The following GRM5 variants were observed in gnomAD, a reference collection of about 807,000 sequenced individuals.
GRM5 encodes the protein metabotropic glutamate receptor 5.
In GRM5, 19 loss-of-function variants were observed where a neutral mutation model predicts 83.1. The ratio of observed to expected loss-of-function variants is 0.23; its 90% CI spans 0.16 to 0.34. The LOEUF is 0.34. Ranked by LOEUF, GRM5 falls within the 10% of genes least tolerant of loss-of-function variation. The probability of loss-of-function intolerance (pLI) is 1.00; values close to 1 mark genes in which losing one functional copy is unlikely to be tolerated. For synonymous variants in GRM5, 675 were observed against 633.6 expected (o/e 1.07, Z -0.98); for missense variants, 1,160 against 1,588.3 (o/e 0.73, Z 4.58).
chr11:88,777,342 C>A (rs139695920), intron 3 of GRM5, among the ~76,000 whole-genome samples: 4,657 of 152,176 alleles, frequency 0.031, 232 homozygotes, highest in African/African-American at 0.11. Context: ...TTCATCTTAT[C>A]TTTTTTCAAG....
At chr11:88,523,245 G>T (rs1941753240) in intron 9 of GRM5, among the ~76,000 whole-genome samples, 1 of 152,100 alleles carries the variant, frequency 6.6e-6, no homozygotes. Flanking sequence ...CTTGTTACAT[G>T]ACAGATTCCT....
At chr11:88,515,013 T>C (rs761701744) in intron 9 of GRM5, among the ~76,000 whole-genome samples, 2 of 152,086 alleles carry the variant, frequency 1.3e-5, no homozygotes, top group Non-Finnish European at 2.9e-5. Flanking sequence ...CCTAATAAAT[T>C]CCTGGTGGGA....
intron 4 of GRM5, among the ~76,000 whole-genome samples, chr11:88,609,452 A>C (rs1276384472): frequency 6.6e-6 from 1 of 152,112 alleles, no homozygotes; most frequent in African/African-American, 2.4e-5. Flanking sequence ...TGTATTTGCT[A>C]TTGTGAACAG....
intron 8 of GRM5, among the ~76,000 whole-genome samples, chr11:88,536,621 A>G (rs531030804): frequency 1.3e-5 from 2 of 152,254 alleles, no homozygotes; most frequent in African/African-American, 4.8e-5. Context: ...GGTTCCTTGA[A>G]CACCAGCCAA....
intron 8 of GRM5, among the ~76,000 whole-genome samples, chr11:88,561,430 C>T (rs1194002789): frequency 6.6e-6 from 1 of 152,146 alleles, no homozygotes; most frequent in African/African-American, 2.4e-5. Context: ...TTATAACTTC[C>T]AGCTGTAGGT....
chr11:88,608,809 C>T (rs1055085643), intron 4 of GRM5, among the ~76,000 whole-genome samples: 1 of 152,154 alleles, frequency 6.6e-6, no homozygotes, highest in South Asian at 2.1e-4. Context: ...GCGTGAGCCA[C>T]CGTGCCGAGC....
chr11:88,960,654 G>A (rs1383879466), intron 2 of GRM5, among the ~76,000 whole-genome samples: 1 of 152,070 alleles, frequency 6.6e-6, no homozygotes, highest in African/African-American at 2.4e-5. Flanking sequence ...AGAAATTTTA[G>A]GAAACTTGGA....
chr11:88,747,775 T>C (rs1942174218), intron 3 of GRM5, among the ~76,000 whole-genome samples: 1 of 151,410 alleles, frequency 6.6e-6, no homozygotes, highest in African/African-American at 2.4e-5. Flanking sequence ...AGAAATACCA[T>C]TTTAATAGTT....
At chr11:88,780,122 C>T (rs1019133287) in intron 3 of GRM5, among the ~76,000 whole-genome samples, 5 of 152,140 alleles carry the variant, frequency 3.3e-5, no homozygotes, top group African/African-American at 1.2e-4. Context: ...AATAGGCTCT[C>T]ATGGTATCCT....
At chr11:88,827,873 G>A (rs1382693875) in intron 3 of GRM5, among the ~76,000 whole-genome samples, 2 of 152,158 alleles carry the variant, frequency 1.3e-5, no homozygotes, top group Non-Finnish European at 2.9e-5. Flanking sequence ...TAGCAAATGT[G>A]CTACATGTTA....
intron 3 of GRM5, among the ~76,000 whole-genome samples, chr11:88,842,784 A>G (rs1232079211): frequency 1.3e-5 from 2 of 152,046 alleles, no homozygotes; most frequent in African/African-American, 4.8e-5. Flanking sequence ...TTGATTTGCT[A>G]TTATCCTGAT....
At position 88,941,451 on chromosome 11, in the gene GRM5, GGAGAAGAGAA is replaced by G. The variant is rs140141911; in HGVS notation, c.662-91306_662-91297del. ...AGAGACGAGAATAGGGGAGAAGAGGGGAGAAGAGAAGAGAAGAGAAGAGGGGAGGGGAGAG... is the reference window on the plus strand; with the variant it reads ...AGAGACGAGAATAGGGGAGAAGAGGGGAGAAGAGAAGAGGGGAGGGGAGAG... On this transcript the variant is annotated intron_variant, in intron 2 of 9. Transcript: ENST00000305447. Among the ~76,000 whole-genome samples the G allele has an allele frequency of 2.1e-3, 167 of 79,860 alleles. 1 individual carries two copies. Among genetic ancestry groups the G allele is most frequent in the Middle Eastern group, 9.1e-3 (1 of 110 alleles). 52.4% of individuals were successfully genotyped at this position (79,860 alleles called of 152,430 possible).
intron 2 of GRM5, among the ~76,000 whole-genome samples, chr11:88,931,224 T>C (rs1937694498): frequency 1.3e-5 from 2 of 151,772 alleles, no homozygotes; most frequent in African/African-American, 4.8e-5. Context: ...TGAAAAGCAT[T>C]ACAAATAAAA....
rs10610996 is a variant in GRM5 at position 88,928,492 on chromosome 11, GTATA to G, written c.662-78341_662-78338del. Reference sequence around the variant, plus strand: ...TATATATATATATATATGTATATATGTATATATATATATGTACTATTAATTCATA... The same window carrying G: ...TATATATATATATATATGTATATATGTATATATATGTACTATTAATTCATA... On this transcript the variant is annotated intron_variant, in intron 2 of 9. Coordinates refer to ENST00000305447, the MANE Select transcript of GRM5 (RefSeq NM_001143831.3). 2.4e-5 allele frequency among the ~76,000 whole-genome samples: 3 copies of G among 122,510 alleles called. No individual in the cohort carries two copies. The Admixed American group carries it at 2.6e-4, about 10-fold the overall frequency. 80.4% of individuals were successfully genotyped at this position (122,510 alleles called of 152,430 possible).
At chr11:88,909,468 C>CT (rs386374432) in intron 2 of GRM5, among the ~76,000 whole-genome samples, 54,570 of 138,236 alleles carry the variant, frequency 0.39, 11,077 homozygotes, top group African/African-American at 0.46. Flanking sequence ...TTTTTGTCTA[C>CT]TTTTTTTTTT....
chr11:88,559,061 T>C (rs1419853310), intron 8 of GRM5, among the ~76,000 whole-genome samples: 4 of 152,044 alleles, frequency 2.6e-5, no homozygotes, highest in African/African-American at 9.7e-5. Context: ...TTATACATAA[T>C]AAAAATAAGT....
chr11:88,720,207 G>T (rs780933949), intron 3 of GRM5, among the ~76,000 whole-genome samples: 1 of 152,060 alleles, frequency 6.6e-6, no homozygotes, highest in Non-Finnish European at 1.5e-5. Context: ...AAAATGGAAG[G>T]TCTCTACTAT....
chr11:88,642,636 C>A (rs755408956), intron 4 of GRM5, among the ~76,000 whole-genome samples: 2 of 152,122 alleles, frequency 1.3e-5, no homozygotes, highest in Admixed American at 6.5e-5. Flanking sequence ...AGCAGTGAGG[C>A]TACATCTTGA....
In GRM5 at chr11:88,706,259, C is replaced by A. The variant is rs543369703; in HGVS notation, c.912-52856G>T. 1.6e-4 allele frequency among the ~76,000 whole-genome samples: 24 copies of A among 152,156 alleles called. No homozygotes were observed. In the East Asian group the frequency reaches 2.3e-3, roughly 15 times the overall value. On this transcript the variant is annotated intron_variant, in intron 3 of 9. Transcript: ENST00000305447. ...GATCTTTGAAGGTCCAGTTGTGTTACCATTCCCAGAAGCAGTCCCTAAGCC... is the reference window on the plus strand; with the variant it reads ...GATCTTTGAAGGTCCAGTTGTGTTAACATTCCCAGAAGCAGTCCCTAAGCC...
Sources: gnomAD v4.1 joint callset for allele counts (sites outside exome capture counted in the v4.1 genomes callset) on GRCh38, gnomAD v4.1.1 for gene constraint, MANE v1.5 for transcripts, NCBI Gene and HGNC (gene_info 2026-07-23, HGNC 2026-07-21) for gene names.